The following KALRN variants were observed in gnomAD, a reference collection of about 807,000 sequenced individuals.
The protein encoded by KALRN is kalirin RhoGEF kinase, also known as kalirin.
A neutral mutation model predicts 353.7 loss-of-function variants in KALRN; 70 were observed. That is an observed-to-expected ratio of 0.20 (90% CI 0.16 to 0.24). The LOEUF is 0.24. KALRN is among the 10% of genes least tolerant of loss of function. The pLI is 1.00. For missense variants in KALRN, 2,791 were observed against 3,756.7 expected (o/e 0.74, Z 6.72); for synonymous variants, 1,391 against 1,434.8 (o/e 0.97, Z 0.69).
At chr3:124,503,964 G>T (rs945859070) in intron 33 of KALRN, among the ~76,000 whole-genome samples, 2 of 152,116 alleles carry the variant, frequency 1.3e-5, no homozygotes, top group Non-Finnish European at 2.9e-5. Flanking sequence ...CATTAAAATT[G>T]CCAATCGTCT....
chr3:124,645,131 A>C (rs1313581163), intron 37 of KALRN, among the ~76,000 whole-genome samples: 3 of 152,180 alleles, frequency 2.0e-5, no homozygotes, highest in Non-Finnish European at 4.4e-5. Context: ...TCTTCTTTTG[A>C]TAAGTGTCTG....
Position 124,133,690 on chromosome 3 carries a change from CA to C in KALRN, c.74-94297del, listed in dbSNP as rs376697549. On this transcript the variant is annotated intron_variant, in intron 1 of 59. Coordinates refer to ENST00000682506, the MANE Select transcript of KALRN (RefSeq NM_001388419.1). Reference sequence around the variant, plus strand: ...CCTGGAGAAGGAGTTTGGATACTGACAAATCCTGCATCAGGGAGGGCTACCT... The same window carrying C: ...CCTGGAGAAGGAGTTTGGATACTGACAATCCTGCATCAGGGAGGGCTACCT... 7.0e-4 allele frequency among the ~76,000 whole-genome samples: 107 copies of C among 152,334 alleles called. No homozygotes were observed. The South Asian group carries it at 0.014, about 20-fold the overall frequency.
chr3:124,033,461 C>T lies in KALRN; in HGVS notation c.-280C>T, dbSNP rs980040315. Among the ~76,000 whole-genome samples the T allele has an allele frequency of 1.3e-5, 2 of 151,870 alleles. No individual in the cohort carries two copies. The highest frequency in any genetic ancestry group is 4.8e-5 in the African/African-American group (2 of 41,392). ...GCAGCCCGCACCCCGGCCCCGGGCC[C>T]CGGCCCCAGCCAGACAGCAGGCGGC... is the stretch of plus-strand genomic sequence containing the variant. On this transcript the variant is annotated 5_prime_UTR_variant, in exon 1 of 60. Transcript: ENST00000682506. This position sits in a 1 kb window ranked among gnomAD's most constrained non-coding sequence, Gnocchi z 6.2.
chr3:124,593,416 G>A (rs1188667204), intron 34 of KALRN, among the ~76,000 whole-genome samples: 1 of 152,166 alleles, frequency 6.6e-6, no homozygotes, highest in African/African-American at 2.4e-5. Flanking sequence ...CACAACTGAG[G>A]GATGGGCTCT....
intron 1 of KALRN, chr3:124,096,726 C>T (rs1389310822): frequency 6.6e-6 from 1 of 152,078 alleles, no homozygotes. Flanking sequence ...TATACTTAAC[C>T]AAATTCTCAG....
chr3:124,462,309 G>A (rs193231616), intron 24 of KALRN, among the ~76,000 whole-genome samples: 2 of 152,320 alleles, frequency 1.3e-5, no homozygotes, highest in Admixed American at 1.3e-4. Context: ...TAAATGACAA[G>A]AGACTGTGGA....
chr3:124,227,666 T>C (rs927313190), intron 1 of KALRN, among the ~76,000 whole-genome samples: 1 of 15,124 alleles, frequency 6.6e-5, no homozygotes, highest in African/African-American at 3.1e-4. Context: ...CAGGGCTGTT[T>C]TTTTTTTTTT....
Position 124,384,985 on chromosome 3 carries a change from G to A in KALRN, c.1911G>A (p.Gln637=), listed in dbSNP as rs747506736. The change falls in exon 11 of 60, where the codon CAG becomes CAA. Residue 637 remains glutamine, a synonymous_variant. Transcript: ENST00000682506. ...AAGACTTCGTGCGCAGGGTGGAGCAGCGGAAGCTTCTCCTGGACATGTCTG... is the reference window on the plus strand; with the variant it reads ...AAGACTTCGTGCGCAGGGTGGAGCAACGGAAGCTTCTCCTGGACATGTCTG... The part of the protein sequence containing the change: ...RIQDFVRRVE[Q]RKLLLDMSVS... 1.2e-6 allele frequency: 2 copies of A among 1,613,568 alleles called. No homozygotes were observed. Among genetic ancestry groups the A allele is most frequent in the South Asian group, 1.1e-5 (1 of 90,884 alleles).
At chr3:124,541,276 C>T (rs1043256008) in intron 33 of KALRN, among the ~76,000 whole-genome samples, 2 of 151,620 alleles carry the variant, frequency 1.3e-5, no homozygotes, top group African/African-American at 4.8e-5. Flanking sequence ...GTGGTGAAAC[C>T]CCATCTCTAC....
intron 6 of KALRN, among the ~76,000 whole-genome samples, chr3:124,320,617 G>T (rs1264323737): frequency 1.3e-5 from 2 of 152,194 alleles, no homozygotes; most frequent in South Asian, 2.1e-4. Context: ...GAGCGCTCTG[G>T]ATGTGGCTAT....
At chr3:124,255,465 A>G (rs1202593700) in intron 3 of KALRN, among the ~76,000 whole-genome samples, 1 of 152,248 alleles carries the variant, frequency 6.6e-6, no homozygotes, top group East Asian at 1.9e-4. Flanking sequence ...TGGGCCAGCC[A>G]CAAAGTAAAT....
intron 23 of KALRN, among the ~76,000 whole-genome samples, chr3:124,461,524 G>C: frequency 6.6e-6 from 1 of 152,086 alleles, no homozygotes; most frequent in East Asian, 1.9e-4. Flanking sequence ...TGAGATTCAA[G>C]CTATCTAGTT....
intron 37 of KALRN, among the ~76,000 whole-genome samples, chr3:124,648,786 C>T (rs1314305522): frequency 6.6e-6 from 1 of 152,188 alleles, no homozygotes. Context: ...GAGCCTGTCT[C>T]TGGTGATGGC....
At chr3:124,694,052 A>G (rs2061945972) in intron 52 of KALRN, among the ~76,000 whole-genome samples, 1 of 152,220 alleles carries the variant, frequency 6.6e-6, no homozygotes, top group African/African-American at 2.4e-5. Flanking sequence ...AAAGCCCAAA[A>G]GGGTATATAC....
intron 33 of KALRN, among the ~76,000 whole-genome samples, chr3:124,501,931 C>T (rs2064624333): frequency 6.6e-6 from 1 of 152,212 alleles, no homozygotes; most frequent in Admixed American, 6.5e-5. Flanking sequence ...TTCTAGTCTT[C>T]TGTAAATTGC....
chr3:124,113,715 C>G (rs921488028), intron 1 of KALRN, among the ~76,000 whole-genome samples: 1 of 152,244 alleles, frequency 6.6e-6, no homozygotes, highest in South Asian at 2.1e-4. Context: ...GGCAGGTGCC[C>G]TGCTATCTCC....
intron 49 of KALRN, 75 bp from the exon 50 acceptor site, chr3:124,678,115 A>T: frequency 6.6e-7 from 1 of 1,518,698 alleles, no homozygotes; most frequent in Non-Finnish European, 9.1e-7. Context: ...TGACTCACCC[A>T]AGGGTGGTGA....
At chr3:124,597,579 A>G (rs1360517185) in intron 34 of KALRN, among the ~76,000 whole-genome samples, 3 of 152,224 alleles carry the variant, frequency 2.0e-5, no homozygotes, top group African/African-American at 7.2e-5. Context: ...TCAGGGGACC[A>G]CAGAGGAAAA....
At chr3:124,607,627 C>T (rs1205719129) in intron 34 of KALRN, among the ~76,000 whole-genome samples, 1 of 152,156 alleles carries the variant, frequency 6.6e-6, no homozygotes, top group African/African-American at 2.4e-5. Context: ...GAGACCTTGA[C>T]TTTACTCAAC....
Sources: allele counts gnomAD v4.1 joint callset (sites outside exome capture counted in the v4.1 genomes callset), GRCh38; gene constraint gnomAD v4.1.1; non-coding constraint Gnocchi (gnomAD v3.1); transcripts MANE v1.5; gene names NCBI Gene and HGNC (gene_info 2026-07-23, HGNC 2026-07-21).